Variants in TMEM132C observed in about 807,000 individuals in gnomAD.
TMEM132C encodes protein phosphatase 1, regulatory subunit 152.
In TMEM132C, 29 loss-of-function variants were observed where a neutral mutation model predicts 61.4. The observed-to-expected ratio is 0.47, with a 90% CI of 0.35 to 0.64. TMEM132C has a LOEUF of 0.64. TMEM132C is among the 30% of genes least tolerant of loss of function. The pLI, the probability that TMEM132C is intolerant of heterozygous loss-of-function variation, is 0.00. For synonymous variants in TMEM132C, 656 were observed against 633.1 expected (o/e 1.04, Z -0.54); for missense variants, 1,408 against 1,476.9 (o/e 0.95, Z 0.76).
intron 1 of TMEM132C, among the ~76,000 whole-genome samples, chr12:128,399,625 T>C (rs1321111606): frequency 6.6e-6 from 1 of 152,138 alleles, no homozygotes; most frequent in Non-Finnish European, 1.5e-5. Flanking sequence ...TAAATCAGAT[T>C]GTAAAATGCA....
intron 2 of TMEM132C, among the ~76,000 whole-genome samples, chr12:128,508,977 T>C (rs1281134583): frequency 6.6e-6 from 1 of 152,182 alleles, no homozygotes; most frequent in African/African-American, 2.4e-5. Flanking sequence ...GACTGTTTGG[T>C]TCACATCTGC....
chr12:128,408,044 TAACTC>T (rs71069567), intron 1 of TMEM132C, among the ~76,000 whole-genome samples: 73,556 of 151,630 alleles, frequency 0.49, 18,198 homozygotes, highest in South Asian at 0.74. Context: ...TGTCTCTTCT[TAACTC>T]AAGTCAAATC....
chr12:128,481,452 T>A (rs577915825), intron 2 of TMEM132C, among the ~76,000 whole-genome samples: 6 of 152,292 alleles, frequency 3.9e-5, no homozygotes, highest in Admixed American at 3.9e-4. Context: ...CCTTCCAGGG[T>A]GCTTGCCTGT....
chr12:128,361,034 G>T (rs555451779), intron 1 of TMEM132C, among the ~76,000 whole-genome samples: 20 of 152,332 alleles, frequency 1.3e-4, no homozygotes, highest in African/African-American at 4.3e-4. Flanking sequence ...ACACCCAGAA[G>T]TAAGACAGTG....
chr12:128,327,295 A>G (rs868133312), intron 1 of TMEM132C, among the ~76,000 whole-genome samples: 3 of 150,252 alleles, frequency 2.0e-5, no homozygotes, highest in East Asian at 1.9e-4. Context: ...ATGAGTGACC[A>G]TGGCCCGAGA....
intron 1 of TMEM132C, among the ~76,000 whole-genome samples, chr12:128,360,825 C>T (rs1014029426): frequency 6.6e-6 from 1 of 152,222 alleles, no homozygotes. Context: ...CCCACCAATT[C>T]TCCAGGTGCC....
At chr12:128,490,546 A>G (rs948474695) in intron 2 of TMEM132C, among the ~76,000 whole-genome samples, 1 of 152,252 alleles carries the variant, frequency 6.6e-6, no homozygotes, top group Non-Finnish European at 1.5e-5. Context: ...ATAATGATGC[A>G]TTCTGCAACT....
At chr12:128,343,833 A>G (rs79647340) in intron 1 of TMEM132C, among the ~76,000 whole-genome samples, 6,143 of 152,272 alleles carry the variant, frequency 0.04, 416 homozygotes, top group African/African-American at 0.14. Context: ...GGGACATTTC[A>G]TATAAATGAA....
intron 1 of TMEM132C, among the ~76,000 whole-genome samples, chr12:128,334,611 T>C (rs1435691295): frequency 2.6e-5 from 4 of 151,988 alleles, no homozygotes; most frequent in African/African-American, 7.2e-5. Context: ...TTTTTTTTTT[T>C]TTGAGACGGT....
At chr12:128,333,807 G>A (rs1397285933) in intron 1 of TMEM132C, among the ~76,000 whole-genome samples, 1 of 151,592 alleles carries the variant, frequency 6.6e-6, no homozygotes, top group African/African-American at 2.4e-5. Flanking sequence ...TGTTTGTGGT[G>A]TGTGTTGTAT....
rs558364056 is a variant in TMEM132C at position 128,666,614 on chromosome 12, G to A, written c.1306-2803G>A. Among the ~76,000 whole-genome samples, 6 of 152,224 alleles carry A rather than the reference G, an allele frequency of 3.9e-5. 1 individual carries two copies. Among genetic ancestry groups the A allele is most frequent in the African/African-American group, 1.4e-4 (6 of 41,476 alleles). On this transcript the variant is annotated intron_variant, in intron 4 of 8. Transcript: ENST00000435159. The stretch of plus-strand genomic sequence containing the variant: ...GATCAGGATTGCACAGGAAGTTAAT[G>A]GGAAAGCAAGGAGCGGAATCCAGGA...
intron 1 of TMEM132C, among the ~76,000 whole-genome samples, chr12:128,320,118 T>C (rs548269252): frequency 6.6e-6 from 1 of 152,312 alleles, no homozygotes; most frequent in South Asian, 2.1e-4. Context: ...CGCTCCTGTT[T>C]TTGTTTCTGT....
chr12:128,591,657 G>A (rs920376549), intron 3 of TMEM132C, among the ~76,000 whole-genome samples: 1 of 152,116 alleles, frequency 6.6e-6, no homozygotes, highest in African/African-American at 2.4e-5. Context: ...ACTCTTTAAA[G>A]AACTGATTGG....
intron 1 of TMEM132C, among the ~76,000 whole-genome samples, chr12:128,293,696 T>C (rs1203125872): frequency 3.3e-5 from 5 of 152,300 alleles, no homozygotes; most frequent in Non-Finnish European, 7.4e-5. Context: ...TCTCATTGCC[T>C]TCTTTGTCTC....
At chr12:128,652,435 G>A (rs1473223174) in intron 4 of TMEM132C, among the ~76,000 whole-genome samples, 7 of 152,200 alleles carry the variant, frequency 4.6e-5, no homozygotes, top group Admixed American at 4.6e-4. Context: ...CTAATAAAGG[G>A]TCAGCGATGA....
intron 1 of TMEM132C, among the ~76,000 whole-genome samples, chr12:128,328,497 A>G (rs1281344437): frequency 2.6e-5 from 4 of 152,140 alleles, no homozygotes; most frequent in Non-Finnish European, 5.9e-5. Context: ...ACCATTAAAA[A>G]TAATGGCAGG....
chr12:128,425,133 C>T (rs1008982801), intron 2 of TMEM132C, among the ~76,000 whole-genome samples: 1 of 152,164 alleles, frequency 6.6e-6, no homozygotes, highest in African/African-American at 2.4e-5. Context: ...CCTCAGCATC[C>T]CCCACCATAA....
intron 2 of TMEM132C, among the ~76,000 whole-genome samples, chr12:128,529,555 G>A (rs890514965): frequency 3.3e-5 from 5 of 152,272 alleles, no homozygotes; most frequent in South Asian, 2.1e-4. Flanking sequence ...AGGCCAAGGC[G>A]GGTGGATCAC....
At chr12:128,306,115 A>G (rs561428931) in intron 1 of TMEM132C, among the ~76,000 whole-genome samples, 1 of 152,314 alleles carries the variant, frequency 6.6e-6, no homozygotes, top group African/African-American at 2.4e-5. Flanking sequence ...TTTCTTCCCA[A>G]GAAAGACTTC....
Sources: gnomAD v4.1 joint callset for allele counts (sites outside exome capture counted in the v4.1 genomes callset) on GRCh38, gnomAD v4.1.1 for gene constraint, MANE v1.5 for transcripts, NCBI Gene and HGNC (gene_info 2026-07-23, HGNC 2026-07-21) for gene names.